Variants in DNAJC11 observed in about 807,000 individuals in gnomAD.
DNAJC11 encodes DnaJ heat shock protein family (Hsp40) member C11.
In DNAJC11, 15 loss-of-function variants were observed where a neutral mutation model predicts 78.6. The ratio of observed to expected loss-of-function variants is 0.19; its 90% CI spans 0.13 to 0.29. DNAJC11 has a LOEUF of 0.29. DNAJC11 is among the 10% of genes least tolerant of loss of function. DNAJC11 has a pLI of 1.00. For synonymous variants in DNAJC11, 292 were observed against 272.1 expected (o/e 1.07, Z -0.72); for missense variants, 547 against 709.6 (o/e 0.77, Z 2.60).
chr1:6,677,067 A>AG (rs1438555328), intron 3 of DNAJC11, among the ~76,000 whole-genome samples: 1 of 150,542 alleles, frequency 6.6e-6, no homozygotes, highest in African/African-American at 2.4e-5. Context: ...CCAGCTACTC[A>AG]GGAAGGCTGA....
chr1:6,651,729 G>C, intron 6 of DNAJC11, 127 bp from the exon 7 acceptor site: 5 of 688,460 alleles, frequency 7.3e-6, no homozygotes. Flanking sequence ...GGCTCTAAAA[G>C]AAGGGGGTGG....
chr1:6,700,652 T>G (rs1205177391), intron 1 of DNAJC11, among the ~76,000 whole-genome samples: 2 of 152,172 alleles, frequency 1.3e-5, no homozygotes, highest in East Asian at 3.9e-4. Flanking sequence ...ATCCTCAGAA[T>G]TAAATGAGAT....
At chr1:6,642,053 G>A (rs569442488) in intron 10 of DNAJC11, among the ~76,000 whole-genome samples, 21 of 152,288 alleles carry the variant, frequency 1.4e-4, no homozygotes, top group Admixed American at 7.2e-4. Context: ...AAATGGCCAC[G>A]TATTTATCTG....
chr1:6,668,616 T>C (rs903306795), intron 3 of DNAJC11, among the ~76,000 whole-genome samples: 1 of 152,058 alleles, frequency 6.6e-6, no homozygotes. Flanking sequence ...TCTGTTGTTG[T>C]AGAAACGGGG....
chr1:6,675,838 C>T (rs1171638925), intron 3 of DNAJC11, among the ~76,000 whole-genome samples: 1 of 152,156 alleles, frequency 6.6e-6, no homozygotes, highest in Non-Finnish European at 1.5e-5. Flanking sequence ...CCCCAGTGCT[C>T]CACTGATTGG....
intron 4 of DNAJC11, among the ~76,000 whole-genome samples, chr1:6,660,969 C>T (rs917391624): frequency 6.6e-6 from 1 of 152,170 alleles, no homozygotes; most frequent in African/African-American, 2.4e-5. Flanking sequence ...CAGGAATGTA[C>T]CATTCTAAAT....
chr1:6,651,233 A>G (rs1034475019), intron 7 of DNAJC11: 90 of 620,022 alleles, frequency 1.5e-4, no homozygotes, highest in African/African-American at 1.4e-3. Context: ...CCACTGACCA[A>G]CTCTCCCTGA....
chr1:6,641,945 G>C (rs1043663325), intron 10 of DNAJC11, among the ~76,000 whole-genome samples: 2 of 151,866 alleles, frequency 1.3e-5, no homozygotes, highest in African/African-American at 4.8e-5. Flanking sequence ...CAAACATGGT[G>C]GGGGGGATCA....
At position 6,688,183 on chromosome 1, in the gene DNAJC11, G is replaced by A. The variant is rs144172135; in HGVS notation, c.73-7146C>T. Among the ~76,000 whole-genome samples the A allele has an allele frequency of 3.2e-3, 485 of 152,292 alleles. 4 individuals are homozygous for A. The highest frequency in any genetic ancestry group is 0.011 in the African/African-American group (467 of 41,560). On this transcript the variant is annotated intron_variant, in intron 1 of 15. Transcript: ENST00000377577. ...GGGAAAAGCCATTGTTTCATCTTTT[G>A]GCATGCTCTTCAGTCCTGGACTGAG...
intron 1 of DNAJC11, among the ~76,000 whole-genome samples, chr1:6,697,391 G>A (rs1450805213): frequency 1.3e-5 from 2 of 152,212 alleles, no homozygotes; most frequent in South Asian, 2.1e-4. Flanking sequence ...ACTAGTGGGA[G>A]TGGAATGAAA....
At chr1:6,658,117 C>T (rs548228549) in intron 4 of DNAJC11, among the ~76,000 whole-genome samples, 191 of 152,302 alleles carry the variant, frequency 1.3e-3, no homozygotes, top group African/African-American at 4.5e-3. Context: ...CCAGCTTGAT[C>T]GTGAGATTGC....
At chr1:6,646,151 G>A (rs1641961982) in intron 7 of DNAJC11, among the ~76,000 whole-genome samples, 173 bp from the exon 8 acceptor site, 1 of 151,970 alleles carries the variant, frequency 6.6e-6, no homozygotes, top group Non-Finnish European at 1.5e-5. Context: ...CAGAGGGGGA[G>A]GGTCCTAGCC....
At position 6,680,895 on chromosome 1, in the gene DNAJC11, G is replaced by T; in HGVS notation, c.202+13C>A. ...TACCAGGATGTTTCTACAAAGTCCG[G>T]CCCTCCACTGACCTTCATAAGCCTG... On this transcript the variant is annotated intron_variant, in intron 2 of 15. Coordinates refer to ENST00000377577, the MANE Select transcript of DNAJC11 (RefSeq NM_018198.4). The surrounding 1 kb of genome is among the most constrained non-coding windows in gnomAD (Gnocchi z 4.0). 1 of 1,611,682 alleles carries T rather than the reference G, an allele frequency of 6.2e-7. No individual in the cohort carries two copies. The highest frequency in any genetic ancestry group is 1.1e-5 in the South Asian group (1 of 90,742).
At chr1:6,665,446 A>C (rs1188383938) in intron 4 of DNAJC11, among the ~76,000 whole-genome samples, 2 of 152,082 alleles carry the variant, frequency 1.3e-5, no homozygotes, top group Non-Finnish European at 2.9e-5. Flanking sequence ...AGGCAAAAAA[A>C]CCCCTCAGAA....
chr1:6,651,700 A>G (rs1473257245), intron 6 of DNAJC11, 98 bp from the exon 7 acceptor site: 1 of 869,698 alleles, frequency 1.1e-6, no homozygotes, highest in Non-Finnish European at 1.9e-6. Context: ...TCCTTCATTC[A>G]ATTCACTGGT....
chr1:6,641,408 C>T (rs11122112), intron 10 of DNAJC11, among the ~76,000 whole-genome samples: 74,629 of 127,674 alleles, frequency 0.58, 21,863 homozygotes, highest in South Asian at 0.69. Flanking sequence ...TATATATATA[C>T]ACACACACAC....
At chr1:6,636,379 A>G (rs1570258805) in intron 14 of DNAJC11, 133 bp from the exon 15 acceptor site, 3 of 1,333,444 alleles carry the variant, frequency 2.2e-6, no homozygotes, top group East Asian at 4.8e-5. Context: ...GGGCATGAAG[A>G]AAAAGAAACA....
In DNAJC11 at chr1:6,636,139, C is replaced by T; in HGVS notation, c.1632G>A (p.Glu544=). The T allele has an allele frequency of 8.1e-6, 13 of 1,614,100 alleles. No homozygotes were observed. The highest frequency in any genetic ancestry group is 1.1e-5 in the Non-Finnish European group (13 of 1,180,016). Residue 544 remains glutamate, a synonymous_variant, in exon 15 of 16, where the codon GAG becomes GAA. Transcript: ENST00000377577. ...CACACTGCTTTGGTATCCGGAGGGC[C>T]TCACTGTCCAGCACCATCACCTGAT... ...VLHQVMVLDS[E]ALRIPKQSHR... is the part of the protein sequence containing the mutation.
chr1:6,653,748 A>G lies in DNAJC11; in HGVS notation c.507+163T>C, dbSNP rs1052270821. 3 of 930,400 alleles carry G rather than the reference A, an allele frequency of 3.2e-6. No individual in the cohort carries two copies. The African/African-American group carries it at 5.1e-5, about 16-fold the overall frequency. The allele number at this position is 930,400 out of a possible 1,614,324, so 57.6% of individuals were successfully genotyped here. A position where few individuals can be genotyped will look rare whatever the true frequency, so the allele number is the denominator to read the frequency against. On this transcript the variant is annotated intron_variant, in intron 5 of 15. Coordinates refer to ENST00000377577, the MANE Select transcript of DNAJC11 (RefSeq NM_018198.4). The surrounding 1 kb of genome is among the most constrained non-coding windows in gnomAD (Gnocchi z 4.5). ...TCACATGCCAGCACAGCGGTAACACACGGCTGGGAATGAAGCGCTTTCTTT... is the reference window on the plus strand; with the variant it reads ...TCACATGCCAGCACAGCGGTAACACGCGGCTGGGAATGAAGCGCTTTCTTT...
Sources: gnomAD v4.1 joint callset for allele counts (sites outside exome capture counted in the v4.1 genomes callset) on GRCh38, gnomAD v4.1.1 for gene constraint, Gnocchi (gnomAD v3.1) non-coding constraint, MANE v1.5 for transcripts, NCBI Gene and HGNC (gene_info 2026-07-23, HGNC 2026-07-21) for gene names.